DPP10: variants seen among roughly 807,000 people sequenced by gnomAD.
The protein encoded by DPP10 is inactive dipeptidyl peptidase 10.
A neutral mutation model predicts 120.9 loss-of-function variants in DPP10; 33 were observed. The observed-to-expected ratio is 0.27, with a 90% CI of 0.21 to 0.37. DPP10 has a LOEUF of 0.37. Among genes scored for constraint, DPP10 ranks in the 10% least tolerant of loss-of-function variants. The pLI is 1.00. For synonymous variants in DPP10, 337 were observed against 326.1 expected, an observed-to-expected ratio of 1.03 and a Z score of -0.36; for missense variants, 816 against 942.8, an observed-to-expected ratio of 0.87 and a Z score of 1.76.
intron 1 of DPP10, among the ~76,000 whole-genome samples, chr2:114,778,698 C>A (rs887279746): frequency 3.3e-5 from 5 of 151,930 alleles, no homozygotes; most frequent in African/African-American, 9.7e-5. Flanking sequence ...GTATATACCA[C>A]TTCCATGAAA....
intron 5 of DPP10, among the ~76,000 whole-genome samples, chr2:115,680,144 T>C (rs532637366): frequency 7.6e-4 from 115 of 152,112 alleles, no homozygotes; most frequent in Admixed American, 1.3e-3. Context: ...TCAAAAATTT[T>C]AAAATTTTCT....
At chr2:115,662,500 A>G (rs1450702019) in intron 5 of DPP10, among the ~76,000 whole-genome samples, 7 of 152,036 alleles carry the variant, frequency 4.6e-5, no homozygotes, top group African/African-American at 1.7e-4. Context: ...ATTTCTCAAA[A>G]GAAACATACA....
intron 1 of DPP10, among the ~76,000 whole-genome samples, chr2:114,862,632 G>C (rs552967595): frequency 6.6e-6 from 1 of 152,164 alleles, no homozygotes; most frequent in African/African-American, 2.4e-5. Context: ...AAAGGAAAGA[G>C]AGATAAAGAC....
intron 19 of DPP10, chr2:115,814,579 T>C: frequency 2.7e-6 from 1 of 365,148 alleles, no homozygotes; most frequent in East Asian, 4.0e-5. Flanking sequence ...TTTCATTTCA[T>C]TCAGGGAACT....
At position 115,528,745 on chromosome 2, in the gene DPP10, G is replaced by GA. The variant is rs747614376; in HGVS notation, c.441+2782dup. ...ATAAATCTTCGGAATTATGCCAAGTGAAAAAAAAACAGTCCCAAATATGAT... is the reference window on the plus strand; with the variant it reads ...ATAAATCTTCGGAATTATGCCAAGTGAAAAAAAAAACAGTCCCAAATATGAT... On this transcript the variant is annotated intron_variant, in intron 5 of 25. Transcript: ENST00000410059. Among the ~76,000 whole-genome samples, 524 of 146,232 alleles carry GA rather than the reference G, an allele frequency of 3.6e-3. 2 individuals are homozygous for GA. Among genetic ancestry groups the GA allele is most frequent in the Non-Finnish European group, 5.8e-3 (387 of 66,220 alleles).
intron 1 of DPP10, among the ~76,000 whole-genome samples, chr2:114,739,095 G>A (rs1158307656): frequency 6.6e-6 from 1 of 152,112 alleles, no homozygotes; most frequent in Non-Finnish European, 1.5e-5. Flanking sequence ...AAACATCAAA[G>A]TACCTTAGTT....
intron 1 of DPP10, among the ~76,000 whole-genome samples, chr2:114,734,609 G>T (rs1346682088): frequency 6.6e-6 from 1 of 152,126 alleles, no homozygotes; most frequent in Non-Finnish European, 1.5e-5. Context: ...GACTCCCCTA[G>T]GGCTGTGTCA....
At chr2:115,437,841 C>T (rs2071633664) in intron 3 of DPP10, among the ~76,000 whole-genome samples, 1 of 151,976 alleles carries the variant, frequency 6.6e-6, no homozygotes, top group South Asian at 2.1e-4. Context: ...AAAAATGATA[C>T]AACGTTTTGT....
intron 1 of DPP10, among the ~76,000 whole-genome samples, chr2:114,850,211 G>A (rs1317155343): frequency 2.6e-5 from 4 of 151,874 alleles, no homozygotes; most frequent in Non-Finnish European, 4.4e-5. Flanking sequence ...GTTTATTGAA[G>A]AGATGGGGTT....
intron 5 of DPP10, among the ~76,000 whole-genome samples, chr2:115,618,756 A>G (rs1352818017): frequency 6.6e-6 from 1 of 152,174 alleles, no homozygotes; most frequent in Non-Finnish European, 1.5e-5. Context: ...GGATGTAAGC[A>G]TTACTCCATG....
intron 19 of DPP10, among the ~76,000 whole-genome samples, chr2:115,804,306 A>T (rs1038089894): frequency 3.9e-5 from 6 of 152,022 alleles, no homozygotes; most frequent in African/African-American, 7.2e-5. Flanking sequence ...ACTTCTCTGC[A>T]CTGGTTATTC....
rs544346952 is a variant in DPP10, at chr2:114,549,211, C to A, written c.60+106373C>A. On this transcript the variant is annotated intron_variant, in intron 1 of 25. Coordinates refer to ENST00000410059, the MANE Select transcript of DPP10 (RefSeq NM_020868.6). ...GCCCCATGCACTCACTGGCTTCTTTCTCGGTGTCGTATGACCCAGGAGGGA... is the reference window on the plus strand; with the variant it reads ...GCCCCATGCACTCACTGGCTTCTTTATCGGTGTCGTATGACCCAGGAGGGA... Among the ~76,000 whole-genome samples, 6 of 152,002 alleles carry A rather than the reference C, an allele frequency of 3.9e-5. No individual in the cohort carries two copies. In the East Asian group the frequency reaches 9.7e-4, roughly 25 times the overall value.
chr2:115,458,949 C>T (rs973647137), intron 3 of DPP10, among the ~76,000 whole-genome samples: 2 of 152,086 alleles, frequency 1.3e-5, no homozygotes, highest in African/African-American at 4.8e-5. Context: ...AATTAAGGCA[C>T]AACATTTTCT....
chr2:115,767,869 G>A (rs1188381899), intron 12 of DPP10, among the ~76,000 whole-genome samples: 1 of 152,006 alleles, frequency 6.6e-6, no homozygotes, highest in East Asian at 1.9e-4. Context: ...GCTGAAGAAA[G>A]GATTTCAAAA....
chr2:114,697,780 G>A (rs1383132106), intron 1 of DPP10, among the ~76,000 whole-genome samples: 5 of 148,400 alleles, frequency 3.4e-5, no homozygotes, highest in African/African-American at 1.2e-4. Flanking sequence ...ACTAGCAGAA[G>A]CACATCAGTT....
At chr2:114,701,630 C>T (rs1354272813) in intron 1 of DPP10, among the ~76,000 whole-genome samples, 2 of 152,090 alleles carry the variant, frequency 1.3e-5, no homozygotes, top group East Asian at 3.9e-4. Flanking sequence ...TAGTGCCACC[C>T]TTTGACAGAA....
intron 1 of DPP10, among the ~76,000 whole-genome samples, chr2:114,930,144 T>A (rs1695961173): frequency 6.6e-6 from 1 of 152,190 alleles, no homozygotes; most frequent in Non-Finnish European, 1.5e-5. Flanking sequence ...TGACCTTTTT[T>A]TCTATTGTTT....
At chr2:114,689,234 C>CT (rs1294030783) in intron 1 of DPP10, among the ~76,000 whole-genome samples, 1 of 149,644 alleles carries the variant, frequency 6.7e-6, no homozygotes, top group Non-Finnish European at 1.5e-5. Context: ...TCCCATGCCC[C>CT]TTACCACCCT....
At chr2:115,536,058 A>G (rs1262966371) in intron 5 of DPP10, among the ~76,000 whole-genome samples, 1 of 152,068 alleles carries the variant, frequency 6.6e-6, no homozygotes, top group Non-Finnish European at 1.5e-5. Flanking sequence ...ATACTTTTAA[A>G]TAGCATCTTT....
Sources: allele counts gnomAD v4.1 joint callset (sites outside exome capture counted in the v4.1 genomes callset), GRCh38; gene constraint gnomAD v4.1.1; transcripts MANE v1.5; gene names NCBI Gene and HGNC (gene_info 2026-07-23, HGNC 2026-07-21).